Variants in LINGO2 observed in about 807,000 individuals in gnomAD.
The protein encoded by LINGO2 is leucine rich repeat and Ig domain containing 2, also known as leucine-rich repeat and immunoglobulin-like domain-containing nogo receptor-interacting protein 2.
LINGO2 carries 14 observed loss-of-function variants against 30.6 expected under a neutral mutation model. The observed-to-expected ratio is 0.46, with a 90% CI of 0.30 to 0.72. The LOEUF is 0.72. Among genes scored for constraint, LINGO2 ranks in the 30% least tolerant of loss-of-function variants. The pLI is 0.07. For synonymous variants in LINGO2, 317 were observed against 288.5 expected, an observed-to-expected ratio of 1.10 and a Z score of -1.00; for missense variants, 729 against 751.7, an observed-to-expected ratio of 0.97 and a Z score of 0.35.
intron 1 of LINGO2, among the ~76,000 whole-genome samples, chr9:28,614,844 C>T (rs892448695): frequency 5.3e-5 from 8 of 152,002 alleles, no homozygotes; most frequent in African/African-American, 1.9e-4. Flanking sequence ...GTTTTAACTC[C>T]TCAGGTGTCA....
chr9:28,575,270 C>T lies in LINGO2; in HGVS notation c.-365+94930G>A, dbSNP rs537723483. ...AAAAATTAGCCTGCGCAGTGGCGGGCGCCTGTAATCCCAGCTACTTGGGGA... is the reference window on the plus strand; with the variant it reads ...AAAAATTAGCCTGCGCAGTGGCGGGTGCCTGTAATCCCAGCTACTTGGGGA... On this transcript the variant is annotated intron_variant, in intron 1 of 5. Transcript: ENST00000379992. Among the ~76,000 whole-genome samples, 47 of 151,800 alleles carry T rather than the reference C, an allele frequency of 3.1e-4. No individual in the cohort carries two copies. In the South Asian group the frequency reaches 5.0e-3, roughly 16 times the overall value.
At chr9:28,772,665 A>T in the LINGO2 span, among the ~76,000 whole-genome samples, 2 of 152,212 alleles carry the variant, frequency 1.3e-5, no homozygotes, top group Admixed American at 6.5e-5. Context: ...GTACTTCAGT[A>T]CTATATGTTC....
chr9:29,043,754 C>T, the LINGO2 span, among the ~76,000 whole-genome samples: 9 of 151,900 alleles, frequency 5.9e-5, no homozygotes, highest in Non-Finnish European at 1.2e-4. Context: ...TCTATAGAAA[C>T]ATAAAACACA....
chr9:29,018,217 T>G, the LINGO2 span, among the ~76,000 whole-genome samples: 2 of 151,342 alleles, frequency 1.3e-5, no homozygotes, highest in African/African-American at 4.8e-5. Flanking sequence ...ACTGCATGTT[T>G]CTCATTTATA....
At chr9:28,046,846 C>T (rs960099268) in intron 4 of LINGO2, among the ~76,000 whole-genome samples, 1 of 152,098 alleles carries the variant, frequency 6.6e-6, no homozygotes, top group Non-Finnish European at 1.5e-5. Flanking sequence ...GGACTATCAC[C>T]TTCCATAAAC....
chr9:28,511,891 A>G, intron 1 of LINGO2, among the ~76,000 whole-genome samples: 1 of 152,194 alleles, frequency 6.6e-6, no homozygotes, highest in Non-Finnish European at 1.5e-5. Flanking sequence ...AAGGGGCTGT[A>G]GTACAGCAGC....
chr9:28,941,494 C>T, the LINGO2 span, among the ~76,000 whole-genome samples: 5 of 151,982 alleles, frequency 3.3e-5, no homozygotes, highest in African/African-American at 1.2e-4. Flanking sequence ...GTGATAAGCC[C>T]CTTTTGCAAC....
the LINGO2 span, among the ~76,000 whole-genome samples, chr9:29,136,989 C>A: frequency 6.6e-6 from 1 of 152,094 alleles, no homozygotes; most frequent in Non-Finnish European, 1.5e-5. Context: ...ATTATTGTAT[C>A]TCACTAAAAT....
At chr9:28,358,262 C>A (rs1390728090) in intron 3 of LINGO2, among the ~76,000 whole-genome samples, 1 of 152,030 alleles carries the variant, frequency 6.6e-6, no homozygotes, top group Admixed American at 6.6e-5. Context: ...GATGGGAAAA[C>A]TGAAGCCCAC....
At chr9:29,156,948 G>A in the LINGO2 span, among the ~76,000 whole-genome samples, 4 of 151,788 alleles carry the variant, frequency 2.6e-5, no homozygotes, top group East Asian at 1.9e-4. Context: ...ATGAAACAAA[G>A]GCAGAATAAA....
At chr9:28,051,159 G>C (rs1824652757) in intron 4 of LINGO2, among the ~76,000 whole-genome samples, 1 of 143,994 alleles carries the variant, frequency 6.9e-6, no homozygotes, top group South Asian at 2.3e-4. Flanking sequence ...GTGGTTAGTT[G>C]AGGCACATTC....
At chr9:29,109,088 T>C in the LINGO2 span, among the ~76,000 whole-genome samples, 99 of 152,274 alleles carry the variant, frequency 6.5e-4, no homozygotes, top group African/African-American at 2.4e-3. Context: ...AAGCCATCAG[T>C]GTAGACTGAG....
chr9:28,369,714 G>A (rs924880695), intron 3 of LINGO2, among the ~76,000 whole-genome samples: 2 of 152,172 alleles, frequency 1.3e-5, no homozygotes, highest in African/African-American at 4.8e-5. Context: ...GCAAGAACTA[G>A]GGCTTAAGAA....
intron 3 of LINGO2, among the ~76,000 whole-genome samples, chr9:28,332,173 C>A (rs566938103): frequency 6.6e-6 from 1 of 152,032 alleles, no homozygotes; most frequent in South Asian, 2.1e-4. Flanking sequence ...AGGCACCTTT[C>A]AATCTCTTTT....
intron 4 of LINGO2, among the ~76,000 whole-genome samples, chr9:28,071,331 T>C (rs1006667186): frequency 4.6e-5 from 7 of 152,272 alleles, no homozygotes; most frequent in African/African-American, 9.6e-5. Context: ...TGGAGTAGGC[T>C]ATGTTCTTTC....
rs577196997 is a variant in LINGO2, at chr9:28,418,027, C to T, written c.-278-45159G>A. Among the ~76,000 whole-genome samples, 114 of 152,214 alleles carry T rather than the reference C, an allele frequency of 7.5e-4. 1 individual carries two copies. The highest frequency in any genetic ancestry group is 2.5e-3 in the African/African-American group (103 of 41,536). On this transcript the variant is annotated intron_variant, in intron 2 of 5. Transcript: ENST00000379992. ...TTGAAGCACTAAAAACTAAATTGAA[C>T]CACAATTTAAGGAAGTCTAAGAGAG... is the stretch of plus-strand genomic sequence containing the variant.
At chr9:28,767,375 GAGAA>G in the LINGO2 span, among the ~76,000 whole-genome samples, 2 of 152,028 alleles carry the variant, frequency 1.3e-5, no homozygotes, top group African/African-American at 4.8e-5. Flanking sequence ...AAAACCAAAA[GAGAA>G]AGAAAAATGC....
intron 5 of LINGO2, among the ~76,000 whole-genome samples, chr9:28,011,507 C>G (rs1305633424): frequency 1.3e-5 from 2 of 152,012 alleles, no homozygotes; most frequent in Non-Finnish European, 2.9e-5. Context: ...TGATATAAAC[C>G]CCTCTTCATT....
intron 4 of LINGO2, among the ~76,000 whole-genome samples, chr9:28,074,473 G>A (rs1825566733): frequency 6.6e-6 from 1 of 152,114 alleles, no homozygotes; most frequent in Non-Finnish European, 1.5e-5. Context: ...AGGCACTGAA[G>A]GTATTGCTAT....
Sources: gnomAD v4.1 joint callset for allele counts (sites outside exome capture counted in the v4.1 genomes callset) on GRCh38, gnomAD v4.1.1 for gene constraint, MANE v1.5 for transcripts, NCBI Gene and HGNC (gene_info 2026-07-23, HGNC 2026-07-21) for gene names.